Variants in AFF3 observed in about 807,000 individuals in gnomAD.
The protein encoded by AFF3 is ALF transcription elongation factor 3.
A neutral mutation model predicts 129.7 loss-of-function variants in AFF3; 32 were observed. The ratio of observed to expected loss-of-function variants is 0.25; its 90% confidence interval spans 0.19 to 0.33. The LOEUF is 0.33. Ranked by LOEUF, AFF3 falls within the 10% of genes least tolerant of loss-of-function variation. The pLI is 1.00. For missense variants in AFF3, 1,373 were observed against 1,592.0 expected, an observed-to-expected ratio of 0.86 and a Z score of 2.34; for synonymous variants, 644 against 635.4, an observed-to-expected ratio of 1.01 and a Z score of -0.20.
intron 8 of AFF3, among the ~76,000 whole-genome samples, chr2:99,818,642 G>A (rs1423886366): frequency 1.3e-5 from 2 of 151,996 alleles, no homozygotes; most frequent in Admixed American, 6.6e-5. Context: ...TCAGTAGGAG[G>A]GTTTAGTCAT....
At chr2:99,892,514 A>G (rs1281831837) in intron 7 of AFF3, among the ~76,000 whole-genome samples, 1 of 152,178 alleles carries the variant, frequency 6.6e-6, no homozygotes, top group African/African-American at 2.4e-5. Flanking sequence ...TGTATTTAAT[A>G]TGGGATGTGA....
intron 11 of AFF3, among the ~76,000 whole-genome samples, chr2:99,697,218 T>C (rs2104736777): frequency 6.6e-6 from 1 of 152,354 alleles, no homozygotes; most frequent in South Asian, 2.1e-4. Flanking sequence ...TTCAGTTTCC[T>C]GCAGCTTTGA....
At position 100,024,345 on chromosome 2, in the gene AFF3, C is replaced by T. The variant is rs192292850; in HGVS notation, c.54-15413G>A. Among the ~76,000 whole-genome samples, 361 of 150,646 alleles carry T rather than the reference C, an allele frequency of 2.4e-3. 1 individual carries two copies. Among genetic ancestry groups the T allele is most frequent in the African/African-American group, 8.1e-3 (334 of 40,982 alleles). ...ATCCCAGCACTTTGGGAGGCTAAGG[C>T]GGGTGGATCACCTGAGGTCGGGAGT... On this transcript the variant is annotated intron_variant, in intron 4 of 24. Coordinates refer to ENST00000672756, the MANE Select transcript of AFF3 (RefSeq NM_001386135.1).
At chr2:99,988,738 G>A (rs573387768) in intron 7 of AFF3, among the ~76,000 whole-genome samples, 40 of 152,188 alleles carry the variant, frequency 2.6e-4, no homozygotes, top group African/African-American at 8.2e-4. Flanking sequence ...GACATCCCTC[G>A]GCACTGGGTT....
At chr2:99,686,970 G>T (rs1184557719) in intron 11 of AFF3, among the ~76,000 whole-genome samples, 1 of 152,220 alleles carries the variant, frequency 6.6e-6, no homozygotes, top group Non-Finnish European at 1.5e-5. Flanking sequence ...TATGTGCCAG[G>T]CATGTTGCCA....
At chr2:99,739,850 T>C (rs1680565481) in intron 10 of AFF3, among the ~76,000 whole-genome samples, 1 of 152,036 alleles carries the variant, frequency 6.6e-6, no homozygotes, top group Admixed American at 6.6e-5. Context: ...TTAGGGTACA[T>C]GTGCACAATG....
chr2:99,601,295 C>T (rs779958370), intron 14 of AFF3, 140 bp downstream of exon 14: 78 of 1,035,830 alleles, frequency 7.5e-5, no homozygotes, highest in Non-Finnish European at 9.6e-5. Context: ...AAGCCCATAG[C>T]CTCCTCCTTC....
In AFF3 at chr2:100,006,619, G is replaced by A. The variant is rs755868415; in HGVS notation, c.873+13C>T. On this transcript the variant is annotated intron_variant, in intron 7 of 24. Transcript: ENST00000672756. ...TATGCAGTTGCATGTGAACGGTGCT[G>A]ATAAAGACTCACCTCCCCCTGCTTG... 3 of 1,598,690 alleles carry A rather than the reference G, an allele frequency of 1.9e-6. No individual in the cohort carries two copies. The highest frequency in any genetic ancestry group is 2.6e-6 in the Non-Finnish European group (3 of 1,169,266).
intron 4 of AFF3, among the ~76,000 whole-genome samples, chr2:100,074,748 T>C (rs772867131): frequency 2.5e-4 from 38 of 152,178 alleles, no homozygotes; most frequent in Non-Finnish European, 4.8e-4. Flanking sequence ...GTGCAGGTCC[T>C]TCCTAAGACT....
At chr2:99,580,211 G>A (rs556064513) in intron 17 of AFF3, among the ~76,000 whole-genome samples, 50 of 152,236 alleles carry the variant, frequency 3.3e-4, no homozygotes, top group African/African-American at 1.1e-3. Context: ...CTTAGTATAT[G>A]GTGACTTGCC....
intron 7 of AFF3, among the ~76,000 whole-genome samples, chr2:99,952,828 G>C (rs1012012241): frequency 6.6e-6 from 1 of 152,264 alleles, no homozygotes; most frequent in South Asian, 2.1e-4. Context: ...TGAGTGTGGA[G>C]GGCAGGCAGC....
intron 7 of AFF3, among the ~76,000 whole-genome samples, chr2:99,937,399 G>A (rs537359105): frequency 1.3e-5 from 2 of 148,940 alleles, no homozygotes; most frequent in African/African-American, 2.5e-5. Flanking sequence ...ATGAATTGAA[G>A]GATTTTTTTT....
chr2:100,096,603 AAT>A (rs1335441502), intron 4 of AFF3, among the ~76,000 whole-genome samples: 1 of 147,900 alleles, frequency 6.8e-6, no homozygotes, highest in African/African-American at 2.5e-5. Flanking sequence ...GACCAAAACT[AAT>A]ACTTGGGAGC....
intron 13 of AFF3, chr2:99,630,882 C>T: frequency 3.3e-6 from 1 of 302,082 alleles, no homozygotes; most frequent in South Asian, 2.8e-5. Flanking sequence ...TGACACAGAG[C>T]CAAACCATAT....
rs1441816346 is a variant in AFF3 at position 99,554,498 on chromosome 2, G to A, written c.3372C>T (p.Pro1124=). 1 of 1,613,816 alleles carries A rather than the reference G, an allele frequency of 6.2e-7. No homozygotes were observed. Among genetic ancestry groups the A allele is most frequent in the Non-Finnish European group, 8.5e-7 (1 of 1,180,014 alleles). The change falls in exon 24 of 25, where the codon CCC becomes CCT. Residue 1124 remains proline (P), a synonymous_variant. Transcript: ENST00000672756. The part of the protein sequence containing the change: ...TGTPSPMSPN[P]SPASSVGSQG... The stretch of plus-strand genomic sequence containing the variant: ...GAGACCCCACGGAGCTGGCGGGAGA[G>A]GGGTTGGGAGACATGGGGGATGGGG...
At chr2:99,923,499 A>G (rs1240886854) in intron 7 of AFF3, among the ~76,000 whole-genome samples, 1 of 152,218 alleles carries the variant, frequency 6.6e-6, no homozygotes, top group Non-Finnish European at 1.5e-5. Flanking sequence ...TGCAAGCTCT[A>G]TAAACTTAAG....
chr2:99,805,683 A>C (rs1686285103), intron 8 of AFF3, among the ~76,000 whole-genome samples: 1 of 152,176 alleles, frequency 6.6e-6, no homozygotes, highest in Admixed American at 6.5e-5. Flanking sequence ...CACTCTATAC[A>C]TATTTAATCA....
Position 99,971,936 on chromosome 2 carries a change from A to C in AFF3, c.873+34696T>G, listed in dbSNP as rs2104430673. 2.0e-5 allele frequency among the ~76,000 whole-genome samples: 3 copies of C among 152,332 alleles called. No individual in the cohort carries two copies. In the South Asian group the frequency reaches 6.2e-4, roughly 32 times the overall value. On this transcript the variant is annotated intron_variant, in intron 7 of 24. Transcript: ENST00000672756. ...GTCTAAATCATGAATAGGAAAGCAA[A>C]AAAGCTTGATGTGTCTGTTTTAAAA...
chr2:99,800,120 G>A (rs544312903), intron 8 of AFF3, among the ~76,000 whole-genome samples: 1 of 152,240 alleles, frequency 6.6e-6, no homozygotes, highest in African/African-American at 2.4e-5. Context: ...TGAAAGACAT[G>A]TCTTTACAAT....
Sources: allele counts gnomAD v4.1 joint callset (sites outside exome capture counted in the v4.1 genomes callset), GRCh38; gene constraint gnomAD v4.1.1; transcripts MANE v1.5; gene names NCBI Gene and HGNC (gene_info 2026-07-23, HGNC 2026-07-21).